TRPM8: variants seen among roughly 807,000 people sequenced by gnomAD.
TRPM8 encodes the protein TRPM8 cationic channel.
A neutral mutation model predicts 133.7 loss-of-function variants in TRPM8; 110 were observed. The ratio of observed to expected loss-of-function variants is 0.82; its 90% CI spans 0.70 to 0.96. The LOEUF (loss-of-function observed/expected upper bound fraction) is 0.96, where lower values mean the gene tolerates loss of function less well. Ranked by LOEUF, TRPM8 falls within the 40% of genes least tolerant of loss-of-function variation. The pLI, the probability that TRPM8 is intolerant of heterozygous loss-of-function variation, is 0.00. For missense variants in TRPM8, 1,291 were observed against 1,379.5 expected (o/e 0.94, Z 1.02); for synonymous variants, 535 against 532.3 (o/e 1.01, Z -0.07).
chr2:234,003,937 C>T (rs556293966), intron 22 of TRPM8, among the ~76,000 whole-genome samples: 1 of 152,188 alleles, frequency 6.6e-6, no homozygotes. Context: ...AATCAGTACT[C>T]CAGATTAGGG....
In TRPM8 at chr2:233,926,532, G is replaced by A. The variant is rs779325804; in HGVS notation, c.-5-1G>A. On this transcript the variant is annotated splice_acceptor_variant, in intron 1 of 25. Transcript: ENST00000324695. LOFTEE classifies it low-confidence loss of function (5UTR_SPLICE). The stretch of plus-strand genomic sequence containing the variant: ...CTTATCCCCTCCAACCATCGTCACA[G>A]AAAAGATGTCCTTTCGGGCAGCCAG... 6.2e-7 allele frequency: 1 copy of A among 1,613,038 alleles called. No homozygotes were observed. Among genetic ancestry groups the A allele is most frequent in the Admixed American group, 1.7e-5 (1 of 60,024 alleles).
At chr2:233,938,870 C>G (rs887320157) in intron 4 of TRPM8, 128 bp from the exon 5 acceptor site, 2 of 1,057,384 alleles carry the variant, frequency 1.9e-6, no homozygotes, top group Non-Finnish European at 2.7e-6. Flanking sequence ...GCCGCGATCC[C>G]TGCTGCCCCC....
At chr2:233,924,479 C>A (rs1418032066) in intron 1 of TRPM8, among the ~76,000 whole-genome samples, 1 of 152,114 alleles carries the variant, frequency 6.6e-6, no homozygotes, top group African/African-American at 2.4e-5. Context: ...TACTTCTGAG[C>A]CTGAAGTCCT....
At chr2:234,005,291 T>C (rs535517104) in intron 22 of TRPM8, among the ~76,000 whole-genome samples, 2 of 152,354 alleles carry the variant, frequency 1.3e-5, no homozygotes, top group African/African-American at 4.8e-5. Context: ...ATTATTTTAC[T>C]GCTAATTTTC....
chr2:233,977,719 T>A, intron 17 of TRPM8, among the ~76,000 whole-genome samples: 1 of 152,226 alleles, frequency 6.6e-6, no homozygotes, highest in East Asian at 1.9e-4. Flanking sequence ...ACTGAGTGAA[T>A]AGGGTGACAA....
intron 21 of TRPM8, among the ~76,000 whole-genome samples, chr2:233,990,151 G>A (rs1383301268): frequency 6.6e-6 from 1 of 152,224 alleles, no homozygotes; most frequent in Non-Finnish European, 1.5e-5. Context: ...AGTAACAATA[G>A]CTAATATTTA....
At chr2:233,971,501 G>A (rs144246229) in intron 17 of TRPM8, among the ~76,000 whole-genome samples, 2 of 152,306 alleles carry the variant, frequency 1.3e-5, no homozygotes, top group African/African-American at 2.4e-5. Flanking sequence ...TGCCTAGTAG[G>A]TCTGAGGTGC....
intron 17 of TRPM8, among the ~76,000 whole-genome samples, chr2:233,978,385 C>A (rs1345651548): frequency 6.6e-6 from 1 of 152,120 alleles, no homozygotes; most frequent in Non-Finnish European, 1.5e-5. Flanking sequence ...TGTACACACA[C>A]TGTATTACAT....
chr2:233,953,560 A>G (rs1284576992), intron 9 of TRPM8: 1 of 159,116 alleles, frequency 6.3e-6, no homozygotes, highest in Non-Finnish European at 1.4e-5. Context: ...GCACACTTGG[A>G]TGGTGTCTAC....
chr2:233,952,780 G>T (rs900843866), intron 9 of TRPM8, among the ~76,000 whole-genome samples: 3 of 151,990 alleles, frequency 2.0e-5, no homozygotes, highest in Non-Finnish European at 4.4e-5. Context: ...GACTCCTGTG[G>T]CCGTCTCTGG....
Position 234,006,759 on chromosome 2 carries a change from T to C in TRPM8, c.3131-94T>C. The C allele has an allele frequency of 3.4e-6, 3 of 878,830 alleles. No homozygotes were observed. In the South Asian group the frequency reaches 4.6e-5, roughly 13 times the overall value. 54.4% of individuals were successfully genotyped at this position (878,830 alleles called of 1,614,324 possible). A position where few individuals can be genotyped will look rare whatever the true frequency, so the allele number is the denominator to read the frequency against. ...GTGCAGGACGAATCTCATTCTTAGTTCTAGAGTCTCACAAAATGCCTTAGA... is the reference window on the plus strand; with the variant it reads ...GTGCAGGACGAATCTCATTCTTAGTCCTAGAGTCTCACAAAATGCCTTAGA... On this transcript the variant is annotated intron_variant, in intron 22 of 25. Transcript: ENST00000324695.
chr2:234,012,562 T>C (rs2125411609), intron 24 of TRPM8, among the ~76,000 whole-genome samples: 1 of 152,274 alleles, frequency 6.6e-6, no homozygotes, highest in South Asian at 2.1e-4. Context: ...GAGATAATTT[T>C]ACTTTCTTCT....
intron 1 of TRPM8, among the ~76,000 whole-genome samples, chr2:233,918,687 T>C (rs1208191455): frequency 6.6e-6 from 1 of 152,126 alleles, no homozygotes; most frequent in African/African-American, 2.4e-5. Flanking sequence ...ATAGAGGCAA[T>C]TAGAAAAACA....
chr2:233,935,943 AT>A (rs775367396), intron 3 of TRPM8, among the ~76,000 whole-genome samples: 2 of 152,038 alleles, frequency 1.3e-5, no homozygotes, highest in Non-Finnish European at 1.5e-5. Context: ...GTGTTTTTAG[AT>A]TTTTTTTAAC....
At chr2:234,005,066 C>T (rs1036877138) in intron 22 of TRPM8, among the ~76,000 whole-genome samples, 9 of 152,170 alleles carry the variant, frequency 5.9e-5, no homozygotes, top group Admixed American at 2.0e-4. Flanking sequence ...TCTATGCATT[C>T]GTTTCTGAGC....
intron 11 of TRPM8, among the ~76,000 whole-genome samples, chr2:233,957,684 T>C (rs1047859403): frequency 6.6e-6 from 1 of 152,214 alleles, no homozygotes; most frequent in African/African-American, 2.4e-5. Context: ...CAATTGTGTA[T>C]ATTGTATCTG....
intron 17 of TRPM8, 52 bp downstream of exon 17, chr2:233,970,478 C>A: frequency 1.3e-6 from 2 of 1,522,976 alleles, no homozygotes; most frequent in Non-Finnish European, 1.8e-6. Context: ...TGGGAGGCAT[C>A]TTTCTAAAGC....
At chr2:233,951,900 G>T (rs1691179411) in intron 9 of TRPM8, among the ~76,000 whole-genome samples, 1 of 152,064 alleles carries the variant, frequency 6.6e-6, no homozygotes, top group African/African-American at 2.4e-5. Flanking sequence ...GGCAGTCCTG[G>T]GTGACCTCGC....
intron 9 of TRPM8, among the ~76,000 whole-genome samples, chr2:233,951,909 G>A (rs1325740595): frequency 1.3e-5 from 2 of 152,054 alleles, no homozygotes; most frequent in Non-Finnish European, 2.9e-5. Context: ...GGGTGACCTC[G>A]CTGACTATGT....
Sources: allele counts gnomAD v4.1 joint callset (sites outside exome capture counted in the v4.1 genomes callset), GRCh38; gene constraint gnomAD v4.1.1; transcripts MANE v1.5; gene names NCBI Gene and HGNC (gene_info 2026-07-23, HGNC 2026-07-21).